Variants in GLS observed in about 807,000 individuals in gnomAD.
GLS encodes the protein glutaminase.
Under a neutral mutation model 86.7 loss-of-function variants are expected in GLS, and 36 were observed. The ratio of observed to expected loss-of-function variants is 0.42; its 90% CI spans 0.32 to 0.55. The LOEUF is 0.55. GLS is among the 20% of genes least tolerant of loss of function. The probability of loss-of-function intolerance (pLI) is 0.17; values close to 1 mark genes in which losing one functional copy is unlikely to be tolerated. For synonymous variants in GLS, 317 were observed against 305.9 expected (o/e 1.04, Z -0.38); for missense variants, 528 against 833.4 (o/e 0.63, Z 4.51).
Position 190,913,789 on chromosome 2 carries a change from C to G in GLS, c.1038+3468C>G, listed in dbSNP as rs1273928597. ...GTTACACTGTCTTCTATGTTTTTACCTCTCAGAGTTTTTTGTTTTTTGTTT... is the reference window on the plus strand; with the variant it reads ...GTTACACTGTCTTCTATGTTTTTACGTCTCAGAGTTTTTTGTTTTTTGTTT... On this transcript the variant is annotated intron_variant, in intron 7 of 17. Transcript: ENST00000320717. This position sits in a 1 kb window ranked among gnomAD's most constrained non-coding sequence, Gnocchi z 6.1. 1.0e-6 allele frequency: 1 copy of G among 960,186 alleles called. No homozygotes were observed. The allele number at this position is 960,186 out of a possible 1,614,324, so 59.5% of individuals were successfully genotyped here.
At chr2:190,892,143 A>G (rs897306564) in intron 1 of GLS, among the ~76,000 whole-genome samples, 3 of 152,122 alleles carry the variant, frequency 2.0e-5, no homozygotes, top group African/African-American at 7.2e-5. Flanking sequence ...ATGGCATGGG[A>G]TTTTTCTTCT....
chr2:190,884,564 A>G (rs183974071), intron 1 of GLS, among the ~76,000 whole-genome samples: 17 of 152,350 alleles, frequency 1.1e-4, no homozygotes, highest in South Asian at 8.3e-4. Flanking sequence ...TAAGCTGGTT[A>G]TACTTATTTC....
In GLS at chr2:190,935,602, TAAA is replaced by T. The variant is rs1375477106; in HGVS notation, c.1650+3970_1650+3972del. ...TGGTGGTTTTTCCATTTGGTAACTTTAAAAAAAGTGCAACCCTATTTGTAGGTT... is the reference window on the plus strand; with the variant it reads ...TGGTGGTTTTTCCATTTGGTAACTTTAAAAGTGCAACCCTATTTGTAGGTT... On this transcript the variant is annotated intron_variant, in intron 14 of 17. Coordinates refer to ENST00000320717, the MANE Select transcript of GLS (RefSeq NM_014905.5). This position sits in a 1 kb window ranked among gnomAD's most constrained non-coding sequence, Gnocchi z 4.2. 2.0e-5 allele frequency among the ~76,000 whole-genome samples: 3 copies of T among 151,264 alleles called. No homozygotes were observed. The highest frequency in any genetic ancestry group is 4.5e-5 in the Non-Finnish European group (3 of 67,308).
chr2:190,950,631 C>T lies in GLS; in HGVS notation c.1651-2934C>T, dbSNP rs576907638. Among the ~76,000 whole-genome samples the T allele has an allele frequency of 4.6e-5, 7 of 152,346 alleles. No individual in the cohort carries two copies. In the South Asian group the frequency reaches 1.4e-3, roughly 32 times the overall value. On this transcript the variant is annotated intron_variant, in intron 14 of 17. Transcript: ENST00000320717. ...CTGGGTAAAGAAGCTCCCTTCCTCCCAGCACATGTACCTGGGTGCTAGGAC... is the reference window on the plus strand; with the variant it reads ...CTGGGTAAAGAAGCTCCCTTCCTCCTAGCACATGTACCTGGGTGCTAGGAC...
In GLS at chr2:190,938,289, C is replaced by T. The variant is rs1387887168; in HGVS notation, c.1650+6652C>T. On this transcript the variant is annotated intron_variant, in intron 14 of 17. Coordinates refer to ENST00000320717, the MANE Select transcript of GLS (RefSeq NM_014905.5). The surrounding 1 kb of genome is among the most constrained non-coding windows in gnomAD (Gnocchi z 4.1). ...GGCTTAGCTTTTGAAAGAAAAAATT[C>T]TTACCCAAAGTAGTTTTTAAATTTC... 3.3e-5 allele frequency among the ~76,000 whole-genome samples: 5 copies of T among 151,406 alleles called. No individual in the cohort carries two copies. Among genetic ancestry groups the T allele is most frequent in the African/African-American group, 1.2e-4 (5 of 41,364 alleles).
At chr2:190,933,101 A>G (rs1690161366) in intron 14 of GLS, 1 of 948,454 alleles carries the variant, frequency 1.1e-6, no homozygotes, top group African/African-American at 1.7e-5. Flanking sequence ...TTAAAAATAC[A>G]AAAAGGAAAA....
intron 1 of GLS, among the ~76,000 whole-genome samples, chr2:190,886,760 A>G (rs1417915181): frequency 6.6e-6 from 1 of 152,116 alleles, no homozygotes; most frequent in Non-Finnish European, 1.5e-5. Context: ...TACTAAAAAT[A>G]CAAAAATTAG....
At chr2:190,887,492 A>T (rs1688426074) in intron 1 of GLS, among the ~76,000 whole-genome samples, 1 of 152,188 alleles carries the variant, frequency 6.6e-6, no homozygotes, top group African/African-American at 2.4e-5. Flanking sequence ...TAAAACTGAT[A>T]GCTTTCAGGA....
chr2:190,910,346 AC>A, intron 7 of GLS, 25 bp downstream of exon 7: 1 of 1,347,818 alleles, frequency 7.4e-7, no homozygotes, highest in Non-Finnish European at 1.0e-6. Flanking sequence ...TTTCATTTTA[AC>A]CTAGTAAAAC....
chr2:190,937,311 CT>C (rs1690299822), intron 14 of GLS, among the ~76,000 whole-genome samples: 1 of 151,120 alleles, frequency 6.6e-6, no homozygotes, highest in Admixed American at 6.6e-5. Flanking sequence ...GGGGGAAGTT[CT>C]TTTATTTTAT....
rs1331740038 is a variant in GLS, at chr2:190,955,268, G to A, written c.1853+450G>A. On this transcript the variant is annotated intron_variant, in intron 17 of 17. Coordinates refer to ENST00000320717, the MANE Select transcript of GLS (RefSeq NM_014905.5). This position sits in a 1 kb window ranked among gnomAD's most constrained non-coding sequence, Gnocchi z 5.6. ...CTACATTAGGTATTTCTTCTAATGC[G>A]ATCCCTCCCTTACCCTGACCCCCAA... Among the ~76,000 whole-genome samples, 1 of 151,986 alleles carries A rather than the reference G, an allele frequency of 6.6e-6. No homozygotes were observed. The highest frequency in any genetic ancestry group is 1.5e-5 in the Non-Finnish European group (1 of 67,994).
chr2:190,904,984 A>T lies in GLS; in HGVS notation c.816-20A>T. 3 of 1,437,480 alleles carry T rather than the reference A, an allele frequency of 2.1e-6. No homozygotes were observed. The highest frequency in any genetic ancestry group is 1.2e-5 in the South Asian group (1 of 84,094). 89.0% of individuals were successfully genotyped at this position (1,437,480 alleles called of 1,614,324 possible). Reference sequence around the variant, plus strand: ...TTTTTCCCAGTTGATGTTATTTTTTAAAAATCTCCTTTTAAATAGGCATTC... The same window carrying T: ...TTTTTCCCAGTTGATGTTATTTTTTTAAAATCTCCTTTTAAATAGGCATTC... On this transcript the variant is annotated intron_variant, in intron 5 of 17. Coordinates refer to ENST00000320717, the MANE Select transcript of GLS (RefSeq NM_014905.5).
intron 1 of GLS, among the ~76,000 whole-genome samples, chr2:190,891,825 A>G (rs1466543812): frequency 6.6e-6 from 1 of 152,178 alleles, no homozygotes; most frequent in Non-Finnish European, 1.5e-5. Context: ...AGAAACAGGC[A>G]CCTTAATTCA....
intron 7 of GLS, among the ~76,000 whole-genome samples, chr2:190,919,259 G>A (rs1000171262): frequency 6.6e-6 from 1 of 152,130 alleles, no homozygotes; most frequent in Non-Finnish European, 1.5e-5. Flanking sequence ...TATAATGCTA[G>A]ACATTGGTAA....
rs1689728693 is a variant in GLS at position 190,921,286 on chromosome 2, A to G, written c.1130+83A>G. On this transcript the variant is annotated intron_variant, in intron 9 of 17. Transcript: ENST00000320717. This position sits in a 1 kb window ranked among gnomAD's most constrained non-coding sequence, Gnocchi z 4.2. ...ATCCACTCTCTTTTCATTGGAGGGA[A>G]ATGAATGATTTCTAAATTACCTGAC... 1 of 935,630 alleles carries G rather than the reference A, an allele frequency of 1.1e-6. No homozygotes were observed. The highest frequency in any genetic ancestry group is 1.8e-5 in the Admixed American group (1 of 54,160). 58.0% of individuals were successfully genotyped at this position (935,630 alleles called of 1,614,324 possible).
intron 14 of GLS, among the ~76,000 whole-genome samples, chr2:190,952,652 C>A (rs150750186): frequency 1.3e-5 from 2 of 152,136 alleles, no homozygotes; most frequent in Non-Finnish European, 1.5e-5. Context: ...GGGTTACTTT[C>A]CATTCCCCAG....
Position 190,880,889 on chromosome 2 carries a change from CA to C in GLS, c.-195del. On this transcript the variant is annotated 5_prime_UTR_variant, in exon 1 of 18. Transcript: ENST00000320717. Reference sequence around the variant, plus strand: ...TCCTAGCGCGCAGCAGCAGCAGCAGCAGCAGCAGCAGCAGCAGCAGCAGCAG... The same window carrying C: ...TCCTAGCGCGCAGCAGCAGCAGCAGCGCAGCAGCAGCAGCAGCAGCAGCAG... 4.0e-6 allele frequency: 2 copies of C among 505,008 alleles called. No individual in the cohort carries two copies. Among genetic ancestry groups the C allele is most frequent in the Non-Finnish European group, 5.9e-6 (2 of 341,158 alleles). 31.3% of individuals were successfully genotyped at this position (505,008 alleles called of 1,614,324 possible). A position where few individuals can be genotyped will look rare whatever the true frequency, so the allele number is the denominator to read the frequency against.
At position 190,914,007 on chromosome 2, in the gene GLS, G is replaced by T. The variant is rs1264402955; in HGVS notation, c.1038+3686G>T. ...GGGTCTTGCCATATTGCCCAGGCTG[G>T]TCCCAAACTCCTGGCCTAAAGTGAT... On this transcript the variant is annotated intron_variant, in intron 7 of 17. Transcript: ENST00000320717. This position sits in a 1 kb window ranked among gnomAD's most constrained non-coding sequence, Gnocchi z 4.4. Among the ~76,000 whole-genome samples the T allele has an allele frequency of 1.3e-5, 2 of 152,084 alleles. No homozygotes were observed. The highest frequency in any genetic ancestry group is 2.9e-5 in the Non-Finnish European group (2 of 67,976).
Position 190,905,518 on chromosome 2 carries a change from T to C in GLS, c.979+351T>C, listed in dbSNP as rs1185128125. Among the ~76,000 whole-genome samples, 1 of 152,132 alleles carries C rather than the reference T, an allele frequency of 6.6e-6. No homozygotes were observed. Among genetic ancestry groups the C allele is most frequent in the Non-Finnish European group, 1.5e-5 (1 of 67,952 alleles). ...GTTGGTAATTATTGCAGCTAAATGA[T>C]AGGTGCATGGGTGTTTGTATATTAT... On this transcript the variant is annotated intron_variant, in intron 6 of 17. Transcript: ENST00000320717. This position sits in a 1 kb window ranked among gnomAD's most constrained non-coding sequence, Gnocchi z 4.6.
Sources: allele counts gnomAD v4.1 joint callset (sites outside exome capture counted in the v4.1 genomes callset), GRCh38; gene constraint gnomAD v4.1.1; non-coding constraint Gnocchi (gnomAD v3.1); transcripts MANE v1.5; gene names NCBI Gene and HGNC (gene_info 2026-07-23, HGNC 2026-07-21).